The following MPDZ variants were observed in gnomAD, a reference collection of about 807,000 sequenced individuals.
MPDZ encodes the protein multiple PDZ domain protein.
MPDZ carries 234 observed loss-of-function variants against 239.1 expected under a neutral mutation model. The ratio of observed to expected loss-of-function variants is 0.98; its 90% CI spans 0.88 to 1.09. The LOEUF (loss-of-function observed/expected upper bound fraction) is 1.09, where lower values mean the gene tolerates loss of function less well. MPDZ is among the 50% of genes least tolerant of loss of function. MPDZ has a pLI of 0.00. For synonymous variants in MPDZ, 1,048 were observed against 881.3 expected (o/e 1.19, Z -3.35); for missense variants, 3,175 against 2,510.0 (o/e 1.26, Z -5.66).
chr9:13,198,014 G>A (rs1258903094), intron 12 of MPDZ, among the ~76,000 whole-genome samples: 5 of 152,110 alleles, frequency 3.3e-5, no homozygotes, highest in African/African-American at 4.8e-5. Context: ...CACTTAGGTT[G>A]CTTCCATATC....
At chr9:13,185,805 G>A (rs1954014737) in intron 18 of MPDZ, among the ~76,000 whole-genome samples, 1 of 151,886 alleles carries the variant, frequency 6.6e-6, no homozygotes, top group Admixed American at 6.6e-5. Flanking sequence ...AGAAAACATG[G>A]GGTTTACCTT....
intron 31 of MPDZ, 50 bp from the exon 32 acceptor site, chr9:13,133,954 T>C: frequency 9.3e-7 from 1 of 1,071,590 alleles, no homozygotes; most frequent in Admixed American, 2.7e-5. Flanking sequence ...GTTAGGAAAT[T>C]TGATTTGTTT....
Position 13,126,543 on chromosome 9 carries a change from T to G in MPDZ, c.4605A>C (p.Glu1535Asp). The G allele has an allele frequency of 1.3e-6, 2 of 1,576,076 alleles. No homozygotes were observed. The highest frequency in any genetic ancestry group is 1.7e-6 in the Non-Finnish European group (2 of 1,159,442). ...TTTCAATAGGGTAACCAACAACAATTTCATCATCTACAGCCAGTATCTGAT... is the reference window on the plus strand; with the variant it reads ...TTTCAATAGGGTAACCAACAACAATGTCATCATCTACAGCCAGTATCTGAT... ...VGDQILAVDD[E>D]IVVGYPIEKF... The change falls in exon 34 of 47, where the codon GAA becomes GAC. Residue 1535 changes from glutamate (E) to aspartate (D), a missense_variant. Transcript: ENST00000319217.
intron 3 of MPDZ, among the ~76,000 whole-genome samples, chr9:13,231,550 T>C (rs1024620593): frequency 5.3e-5 from 8 of 152,054 alleles, no homozygotes; most frequent in Admixed American, 5.2e-4. Flanking sequence ...AGAGCAACTC[T>C]ATTTAAAAAA....
At position 13,203,727 on chromosome 9, in the gene MPDZ, G is replaced by C. The variant is rs865912970; in HGVS notation, c.1546+1309C>G. On this transcript the variant is annotated intron_variant, in intron 12 of 46. Coordinates refer to ENST00000319217, the MANE Select transcript of MPDZ (RefSeq NM_001378778.1). ...GTCTATAGTCACCCCCATGTATCCT[G>C]CCACACACACACACACACACACACA... Among the ~76,000 whole-genome samples the C allele has an allele frequency of 7.1e-5, 5 of 70,012 alleles. No individual in the cohort carries two copies. The South Asian group carries it at 3.3e-3, about 46-fold the overall frequency. The allele number at this position is 70,012 out of a possible 152,430, so 45.9% of individuals were successfully genotyped here. A position where few individuals can be genotyped will look rare whatever the true frequency, so the allele number is the denominator to read the frequency against.
At chr9:13,271,939 C>G (rs1042692431) in intron 1 of MPDZ, among the ~76,000 whole-genome samples, 3 of 151,966 alleles carry the variant, frequency 2.0e-5, no homozygotes, top group African/African-American at 7.3e-5. Context: ...AGAACGCAAA[C>G]TAATCTACAG....
intron 3 of MPDZ, among the ~76,000 whole-genome samples, chr9:13,246,603 A>T (rs1966649630): frequency 6.6e-6 from 1 of 152,210 alleles, no homozygotes; most frequent in African/African-American, 2.4e-5. Context: ...TTCTTGACTT[A>T]ACTTTTTTTG....
chr9:13,166,097 C>A (rs1951043146), intron 22 of MPDZ, among the ~76,000 whole-genome samples: 1 of 152,036 alleles, frequency 6.6e-6, no homozygotes, highest in Admixed American at 6.6e-5. Flanking sequence ...CCACCACCAC[C>A]CAGATTAAGC....
chr9:13,182,009 A>T (rs1475833837), intron 19 of MPDZ, among the ~76,000 whole-genome samples: 2 of 152,066 alleles, frequency 1.3e-5, no homozygotes, highest in African/African-American at 4.8e-5. Context: ...AAACCATTTC[A>T]AGGAGACTGC....
At chr9:13,206,488 A>G (rs1172809950) in intron 10 of MPDZ, among the ~76,000 whole-genome samples, 2 of 151,814 alleles carry the variant, frequency 1.3e-5, no homozygotes, top group Admixed American at 6.6e-5. Context: ...TCCTAGGCTC[A>G]AGCGATCCTC....
intron 10 of MPDZ, among the ~76,000 whole-genome samples, chr9:13,213,058 TA>T (rs1957831503): frequency 6.6e-6 from 1 of 152,114 alleles, no homozygotes; most frequent in Admixed American, 6.6e-5. Flanking sequence ...GCTTATTTAA[TA>T]ATTTTTATCA....
intron 3 of MPDZ, among the ~76,000 whole-genome samples, chr9:13,237,553 T>C (rs1052773192): frequency 2.0e-5 from 3 of 150,960 alleles, no homozygotes; most frequent in Admixed American, 6.6e-5. Context: ...CAAGCTGAAC[T>C]AGCCTAGCTA....
chr9:13,129,937 A>C (rs1195923441), intron 32 of MPDZ, among the ~76,000 whole-genome samples: 1 of 152,196 alleles, frequency 6.6e-6, no homozygotes, highest in Non-Finnish European at 1.5e-5. Flanking sequence ...AATTCAGCTA[A>C]ACAAATTAAT....
chr9:13,248,271 A>T (rs1262295188), intron 2 of MPDZ, among the ~76,000 whole-genome samples: 1 of 151,700 alleles, frequency 6.6e-6, no homozygotes, highest in Non-Finnish European at 1.5e-5. Context: ...ACATTTTTTA[A>T]TGGAGTACAA....
intron 27 of MPDZ, among the ~76,000 whole-genome samples, chr9:13,141,646 A>C (rs1034217143): frequency 1.3e-5 from 2 of 152,182 alleles, no homozygotes; most frequent in Admixed American, 1.3e-4. Context: ...TAAATGATAA[A>C]CACGCACAAA....
At chr9:13,214,938 A>C (rs897612901) in intron 10 of MPDZ, among the ~76,000 whole-genome samples, 5 of 151,996 alleles carry the variant, frequency 3.3e-5, no homozygotes, top group East Asian at 3.9e-4. Context: ...TGTGGACTTA[A>C]AGGGAGAGAT....
At chr9:13,133,546 A>C (rs1946312365) in intron 32 of MPDZ, among the ~76,000 whole-genome samples, 1 of 152,228 alleles carries the variant, frequency 6.6e-6, no homozygotes, top group African/African-American at 2.4e-5. Flanking sequence ...AATAATTATA[A>C]AAGGGCAAGC....
At chr9:13,142,333 CCTGA>C (rs1477793647) in intron 27 of MPDZ, among the ~76,000 whole-genome samples, 2 of 152,076 alleles carry the variant, frequency 1.3e-5, no homozygotes, top group African/African-American at 4.8e-5. Flanking sequence ...CCCTAACCTA[CCTGA>C]CTAATAAAAC....
At chr9:13,140,388 ATATACATATATATATATATATG>A (rs1947479553) in intron 27 of MPDZ, among the ~76,000 whole-genome samples, 1 of 142,670 alleles carries the variant, frequency 7.0e-6, no homozygotes, top group African/African-American at 2.7e-5. Context: ...TATTTTATAT[ATATACATATATATATATATATG>A]TATATATATG....
Sources: allele counts gnomAD v4.1 joint callset (sites outside exome capture counted in the v4.1 genomes callset), GRCh38; gene constraint gnomAD v4.1.1; transcripts MANE v1.5; gene names NCBI Gene and HGNC (gene_info 2026-07-23, HGNC 2026-07-21).